C19orf38: variants seen among roughly 807,000 people sequenced by gnomAD.
C19orf38 encodes chromosome 19 open reading frame 38.
C19orf38 carries 14 observed loss-of-function variants against 26.6 expected under a neutral mutation model. That is an observed-to-expected ratio of 0.53 (90% CI 0.35 to 0.82). The LOEUF (loss-of-function observed/expected upper bound fraction) is 0.82. Among genes scored for constraint, C19orf38 ranks in the 40% least tolerant of loss-of-function variants. C19orf38 has a pLI of 0.01. For missense variants in C19orf38, 261 were observed against 299.5 expected (o/e 0.87, Z 0.95); for synonymous variants, 132 against 128.5 (o/e 1.03, Z -0.18).
upstream of C19orf38, among the ~76,000 whole-genome samples, chr19:10,847,542 T>G (rs1258964311): frequency 1.3e-5 from 2 of 151,950 alleles, no homozygotes; most frequent in Non-Finnish European, 2.9e-5. Context: ...CCCGGCTAAT[T>G]TTTTGTATAT....
chr19:10,850,476 G>A lies in C19orf38; in HGVS notation c.249G>A (p.Gly83=), dbSNP rs761928257. Residue 83 remains glycine, a synonymous_variant, in exon 2 of 7, where the codon GGG becomes GGA. Transcript: ENST00000397820. ...GCGGCGGCAGCAGCAAGGCTCCAGG[G>A]GGACCCTTCCACTGCCAGTATGGAG... ...NLSGGSSKAP[G]GPFHCQYGVL... is the part of the protein sequence containing the mutation. 9 of 1,551,504 alleles carry A rather than the reference G, an allele frequency of 5.8e-6. No individual in the cohort carries two copies. In the African/African-American group the frequency reaches 9.6e-5, roughly 17 times the overall value.
At chr19:10,841,215 C>T (rs2073475469) in intron 1 of C19orf38, among the ~76,000 whole-genome samples, 1 of 152,100 alleles carries the variant, frequency 6.6e-6, no homozygotes, top group African/African-American at 2.4e-5. Flanking sequence ...TGCTTGTAAT[C>T]CCAGCACTTT....
intron 1 of C19orf38, among the ~76,000 whole-genome samples, chr19:10,837,732 A>C (rs1272732093): frequency 6.6e-6 from 1 of 151,542 alleles, no homozygotes; most frequent in African/African-American, 2.4e-5. Flanking sequence ...TGGTCTCGAT[A>C]TCCTGACCTT....
upstream of C19orf38, among the ~76,000 whole-genome samples, chr19:10,847,434 C>T (rs866423846): frequency 1.4e-4 from 20 of 143,168 alleles, no homozygotes; most frequent in Middle Eastern, 0.012. Flanking sequence ...AGTGCAATGG[C>T]GCGATCTCAA....
At chr19:10,841,012 G>A (rs1364925775) in intron 1 of C19orf38, among the ~76,000 whole-genome samples, 2 of 151,714 alleles carry the variant, frequency 1.3e-5, no homozygotes, top group African/African-American at 4.8e-5. Context: ...CAAATGATTA[G>A]TAAGGTTGAG....
chr19:10,839,914 G>GA (rs1296092532), intron 1 of C19orf38, among the ~76,000 whole-genome samples: 1 of 151,668 alleles, frequency 6.6e-6, no homozygotes, highest in Non-Finnish European at 1.5e-5. Flanking sequence ...GGAGACAAGA[G>GA]GTCTCCCTGT....
chr19:10,848,677 G>A (rs1486459933), intron 1 of C19orf38, 138 bp downstream of exon 1: 2 of 731,134 alleles, frequency 2.7e-6, no homozygotes, highest in East Asian at 2.7e-5. Flanking sequence ...TGGCAGATGG[G>A]TTTTCCCCCT....
chr19:10,849,993 A>C (rs575012243), intron 1 of C19orf38, among the ~76,000 whole-genome samples: 2 of 151,626 alleles, frequency 1.3e-5, no homozygotes, highest in South Asian at 4.2e-4. Context: ...CGGGAGGTGG[A>C]GGCTGTAGTG....
At chr19:10,858,936 GTTTT>G (rs33931525) in intron 4 of C19orf38, among the ~76,000 whole-genome samples, 2 of 135,820 alleles carry the variant, frequency 1.5e-5, no homozygotes. Flanking sequence ...ATATATATAT[GTTTT>G]TTTTTTTTTT....
chr19:10,845,011 T>G (rs1377362850), upstream of C19orf38, among the ~76,000 whole-genome samples: 1 of 117,846 alleles, frequency 8.5e-6, no homozygotes, highest in Non-Finnish European at 1.9e-5. Flanking sequence ...AAAAAAAAAT[T>G]TAGCCAGGTG....
intron 3 of C19orf38, among the ~76,000 whole-genome samples, chr19:10,857,846 A>C (rs1395495422): frequency 6.6e-6 from 1 of 151,114 alleles, no homozygotes; most frequent in African/African-American, 2.4e-5. Context: ...ATACCACTGC[A>C]CTCCAGCCTG....
chr19:10,859,942 T>G lies in C19orf38; in HGVS notation c.489T>G (p.Ile163Met), dbSNP rs1206083096. The G allele has an allele frequency of 6.4e-7, 1 of 1,551,902 alleles. No individual in the cohort carries two copies. The highest frequency in any genetic ancestry group is 8.7e-7 in the Non-Finnish European group (1 of 1,146,938). Residue 163 changes from isoleucine (I) to methionine (M), a missense_variant, in exon 5 of 7, where the codon ATT becomes ATG. Physicochemically the swap from Ile to Met is conservative, Grantham distance 10. Transcript: ENST00000397820. ...ATCGAGAATCCTGCTGGGCCCAGATTAACTTCGACAGCACAGGTCTGTGCC... is the reference window on the plus strand; with the variant it reads ...ATCGAGAATCCTGCTGGGCCCAGATGAACTTCGACAGCACAGGTCTGTGCC... ...KRDRESCWAQ[I>M]NFDSTDMSFD... is the part of the protein sequence containing the mutation.
chr19:10,850,036 G>A (rs2073553334), intron 1 of C19orf38, among the ~76,000 whole-genome samples: 1 of 152,138 alleles, frequency 6.6e-6, no homozygotes, highest in South Asian at 2.1e-4. Context: ...TCCATCCTGG[G>A]TGGCAGAGTG....
chr19:10,855,412 A>G (rs1230129512), intron 2 of C19orf38, among the ~76,000 whole-genome samples: 1 of 152,118 alleles, frequency 6.6e-6, no homozygotes, highest in Non-Finnish European at 1.5e-5. Context: ...ATCTCAGCTC[A>G]GTGCACCCTC....
chr19:10,849,711 ATAAAT>A (rs1190830394), intron 1 of C19orf38, among the ~76,000 whole-genome samples: 2 of 140,860 alleles, frequency 1.4e-5, no homozygotes, highest in Non-Finnish European at 3.0e-5. Context: ...TAAAGTAATA[ATAAAT>A]TAAATAAAAA....
chr19:10,863,087 T>TG (rs1210728692), intron 5 of C19orf38, 83 bp from the exon 6 acceptor site: 8 of 1,413,892 alleles, frequency 5.7e-6, no homozygotes, highest in Admixed American at 2.0e-5. Context: ...CCCTGTGGGC[T>TG]GGGGGGCAGT....
chr19:10,859,650 C>G (rs994141776), intron 4 of C19orf38, among the ~76,000 whole-genome samples: 1 of 151,934 alleles, frequency 6.6e-6, no homozygotes, highest in Non-Finnish European at 1.5e-5. Flanking sequence ...TCCCAAAGTG[C>G]TGGGATTACA....
chr19:10,844,274 A>G (rs34294336), upstream of C19orf38, among the ~76,000 whole-genome samples: 54,477 of 151,304 alleles, frequency 0.36, 9,992 homozygotes, highest in East Asian at 0.58. Flanking sequence ...GCATGGTGGC[A>G]CACGTGTAAT....
In C19orf38 at chr19:10,856,297, C is replaced by T. The variant is rs565634719; in HGVS notation, c.373C>T (p.Leu125=). The T allele has an allele frequency of 1.3e-6, 2 of 1,551,394 alleles. No homozygotes were observed. Among genetic ancestry groups the T allele is most frequent in the East Asian group, 4.9e-5 (2 of 40,900 alleles). The part of the protein sequence containing the change: ...PTWILVLSLS[L]AGALFLLAGL... ...TTGGATCTTGGTGCTCTCCCTGAGC[C>T]TGGCTGGTGCCCTCTTCCTCCTTGC... Residue 125 remains leucine (L), a synonymous_variant, in exon 3 of 7, where the codon CTG becomes TTG. Transcript: ENST00000397820.
Sources: gnomAD v4.1 joint callset for allele counts (sites outside exome capture counted in the v4.1 genomes callset) on GRCh38, gnomAD v4.1.1 for gene constraint, MANE v1.5 for transcripts, NCBI Gene and HGNC (gene_info 2026-07-23, HGNC 2026-07-21) for gene names.